The following FHL2 variants were observed in gnomAD, a reference collection of about 807,000 sequenced individuals.
The protein encoded by FHL2 is four and a half LIM domains 2, also known as four and a half LIM domains protein 2.
In FHL2, 20 loss-of-function variants were observed where a neutral mutation model predicts 32.7. That is an observed-to-expected ratio of 0.61 (90% CI 0.43 to 0.89). The LOEUF is 0.89. Among genes scored for constraint, FHL2 ranks in the 40% least tolerant of loss-of-function variants. FHL2 has a pLI of 0.00. For synonymous variants in FHL2, 123 were observed against 128.1 expected, an observed-to-expected ratio of 0.96 and a Z score of 0.27; for missense variants, 311 against 358.6, an observed-to-expected ratio of 0.87 and a Z score of 1.07.
chr2:105,429,422 G>A (rs1055077984), intron 1 of FHL2, among the ~76,000 whole-genome samples: 3 of 152,176 alleles, frequency 2.0e-5, no homozygotes, highest in African/African-American at 7.2e-5. Flanking sequence ...GTAATCACCA[G>A]TGTCCTTATA....
chr2:105,406,043 TCTAGAGAGCATGTTTAGGAATAC>T (rs1478998789), intron 1 of FHL2, among the ~76,000 whole-genome samples: 1 of 152,232 alleles, frequency 6.6e-6, no homozygotes, highest in East Asian at 1.9e-4. Context: ...TGCTTTAAGT[TCTAGAGAGCATGTTTAGGAATAC>T]CTTTCACCTA....
At chr2:105,399,287 G>T, upstream of FHL2, 1 of 1,535,828 alleles carries the variant, frequency 6.5e-7, no homozygotes, top group Non-Finnish European at 8.7e-7. Context: ...GTTATCGGGA[G>T]CGTCGCCTCC....
chr2:105,408,783 C>A (rs973476125), intron 1 of FHL2, among the ~76,000 whole-genome samples: 2 of 152,172 alleles, frequency 1.3e-5, no homozygotes, highest in Non-Finnish European at 2.9e-5. Context: ...ATTTTGACTG[C>A]TGATAGGGTG....
intron 1 of FHL2, among the ~76,000 whole-genome samples, chr2:105,398,459 C>G (rs1450339600): frequency 6.6e-6 from 1 of 152,218 alleles, no homozygotes; most frequent in Non-Finnish European, 1.5e-5. Flanking sequence ...CAGGACAGCC[C>G]GCTCGGGAGT....
At chr2:105,362,619 A>G (rs555730701) in intron 6 of FHL2, among the ~76,000 whole-genome samples, 1 of 152,222 alleles carries the variant, frequency 6.6e-6, no homozygotes, top group Admixed American at 6.5e-5. Context: ...TACAGAACAC[A>G]CACTTTTCTC....
rs138671328 is a variant in FHL2 at position 105,362,608 on chromosome 2, T to C, written c.688+677A>G. On this transcript the variant is annotated intron_variant, in intron 6 of 6. Coordinates refer to ENST00000530340, the MANE Select transcript of FHL2 (RefSeq NM_001318895.3). ...ACATCATAAAACTTCTCCTGTGTTA[T>C]TACAGAACACACACTTTTCTCTCCC... Among the ~76,000 whole-genome samples the C allele has an allele frequency of 4.6e-5, 7 of 152,326 alleles. No homozygotes were observed. The East Asian group carries it at 1.4e-3, about 29-fold the overall frequency.
At chr2:105,396,898 G>A in intron 1 of FHL2, 1 of 568,034 alleles carries the variant, frequency 1.8e-6, no homozygotes, top group Non-Finnish European at 3.1e-6. Flanking sequence ...GAGTCAGAGA[G>A]CCGCTTAGCG....
chr2:105,402,082 T>A (rs949366246), upstream of FHL2, among the ~76,000 whole-genome samples: 3 of 149,148 alleles, frequency 2.0e-5, no homozygotes, highest in Non-Finnish European at 3.0e-5. Context: ...CATGTATATA[T>A]GTGTATATAT....
chr2:105,426,574 T>A (rs1387960553), intron 1 of FHL2, among the ~76,000 whole-genome samples: 1 of 152,176 alleles, frequency 6.6e-6, no homozygotes. Flanking sequence ...CAGCCTTTGA[T>A]GTGAGGGCTC....
intron 1 of FHL2, among the ~76,000 whole-genome samples, chr2:105,429,980 G>A (rs774436150): frequency 5.9e-5 from 9 of 152,178 alleles, no homozygotes; most frequent in Admixed American, 1.3e-4. Flanking sequence ...TTTTACAGAC[G>A]TGGTTCTGGG....
chr2:105,402,097 G>A (rs1301630757), upstream of FHL2, among the ~76,000 whole-genome samples: 3 of 145,996 alleles, frequency 2.1e-5, no homozygotes, highest in Non-Finnish European at 3.0e-5. Flanking sequence ...ATATATACGT[G>A]TATATATACA....
At chr2:105,367,218 G>A (rs1680699594) in intron 5 of FHL2, among the ~76,000 whole-genome samples, 1 of 152,076 alleles carries the variant, frequency 6.6e-6, no homozygotes, top group African/African-American at 2.4e-5. Context: ...CAAGTTTGCA[G>A]TTGTTTTCTT....
chr2:105,429,834 C>T (rs890002505), intron 1 of FHL2, among the ~76,000 whole-genome samples: 3 of 152,140 alleles, frequency 2.0e-5, no homozygotes, highest in East Asian at 1.9e-4. Context: ...GCTGTGAAGA[C>T]GGGACAGTGC....
upstream of FHL2, among the ~76,000 whole-genome samples, chr2:105,400,686 A>ATTTTTTTTTTTTT (rs57296524): frequency 9.0e-5 from 12 of 132,846 alleles, no homozygotes; most frequent in African/African-American, 1.7e-4. Context: ...TTATATTTTA[A>ATTTTTTTTTTTTT]TTTTTTTTTT....
At chr2:105,373,854 G>A (rs1681275850) in intron 3 of FHL2, 121 bp from the exon 4 acceptor site, 2 of 857,270 alleles carry the variant, frequency 2.3e-6, no homozygotes, top group African/African-American at 3.4e-5. Flanking sequence ...GAGGCACCCT[G>A]GCGCACCCAC....
At chr2:105,372,422 T>C (rs1681146041) in intron 4 of FHL2, among the ~76,000 whole-genome samples, 1 of 152,120 alleles carries the variant, frequency 6.6e-6, no homozygotes, top group African/African-American at 2.4e-5. Flanking sequence ...AGACAGCGTT[T>C]TACCATGTTA....
At chr2:105,378,681 TTA>T (rs1681657867) in intron 3 of FHL2, 1 of 155,088 alleles carries the variant, frequency 6.4e-6, no homozygotes, top group Admixed American at 6.3e-5. Context: ...CAGCCTACCT[TTA>T]TGACTGCACA....
At chr2:105,400,233 A>T (rs4851766), upstream of FHL2, among the ~76,000 whole-genome samples, 1 of 151,976 alleles carries the variant, frequency 6.6e-6, no homozygotes, top group African/African-American at 2.4e-5. Flanking sequence ...TTGAACTGGG[A>T]TGTGGTAGAT....
chr2:105,420,386 T>G (rs1684063971), intron 1 of FHL2, among the ~76,000 whole-genome samples: 1 of 152,190 alleles, frequency 6.6e-6, no homozygotes. Flanking sequence ...CCACTCATAT[T>G]GGATTAGGGA....
Sources: gnomAD v4.1 joint callset for allele counts (sites outside exome capture counted in the v4.1 genomes callset) on GRCh38, gnomAD v4.1.1 for gene constraint, MANE v1.5 for transcripts, NCBI Gene and HGNC (gene_info 2026-07-23, HGNC 2026-07-21) for gene names.